FRAS1: variants seen among roughly 807,000 people sequenced by gnomAD.
FRAS1 encodes the protein extracellular matrix organizing protein FRAS1.
Under a neutral mutation model 435.2 loss-of-function variants are expected in FRAS1, and 290 were observed. The observed-to-expected ratio is 0.67, with a 90% CI of 0.61 to 0.73. The LOEUF (loss-of-function observed/expected upper bound fraction) is 0.73. Among genes scored for constraint, FRAS1 ranks in the 30% least tolerant of loss-of-function variants. The pLI is 0.00. For missense variants in FRAS1, 4,860 were observed against 5,001.5 expected, an observed-to-expected ratio of 0.97 and a Z score of 0.85; for synonymous variants, 1,800 against 1,851.0, an observed-to-expected ratio of 0.97 and a Z score of 0.71.
intron 2 of FRAS1, among the ~76,000 whole-genome samples, chr4:78,163,967 GCCCACTGCCCCA>G (rs983549300): frequency 3.3e-5 from 5 of 152,154 alleles, no homozygotes; most frequent in Non-Finnish European, 7.4e-5. Flanking sequence ...AACCTCCCAT[GCCCACTGCCCCA>G]CCCACTGGCC....
intron 47 of FRAS1, among the ~76,000 whole-genome samples, chr4:78,454,334 G>A (rs994160099): frequency 6.6e-6 from 1 of 152,146 alleles, no homozygotes; most frequent in African/African-American, 2.4e-5. Flanking sequence ...AGCTTTAAAT[G>A]GTGGAGGGTG....
At chr4:78,473,896 A>G (rs1719786203) in intron 53 of FRAS1, among the ~76,000 whole-genome samples, 1 of 152,250 alleles carries the variant, frequency 6.6e-6, no homozygotes, top group Non-Finnish European at 1.5e-5. Context: ...ACTTGTCCAC[A>G]GTCACATAGC....
intron 2 of FRAS1, among the ~76,000 whole-genome samples, chr4:78,187,386 G>A (rs1341171893): frequency 6.6e-6 from 1 of 151,996 alleles, no homozygotes; most frequent in Non-Finnish European, 1.5e-5. Context: ...GGTGTGGAGG[G>A]GTGATAGCTG....
chr4:78,237,104 G>A (rs1279695302), intron 2 of FRAS1, among the ~76,000 whole-genome samples: 2 of 151,984 alleles, frequency 1.3e-5, no homozygotes, highest in East Asian at 1.9e-4. Context: ...ATCTAGTGGC[G>A]AATACTGCTT....
At chr4:78,203,712 G>A (rs990615446) in intron 2 of FRAS1, among the ~76,000 whole-genome samples, 3 of 152,054 alleles carry the variant, frequency 2.0e-5, no homozygotes, top group African/African-American at 4.8e-5. Context: ...GATTACAGGC[G>A]GCTGCCACCA....
At chr4:78,461,990 G>C (rs543304147) in intron 47 of FRAS1, among the ~76,000 whole-genome samples, 8 of 152,332 alleles carry the variant, frequency 5.3e-5, no homozygotes, top group Non-Finnish European at 7.4e-5. Flanking sequence ...GGGTTATGAA[G>C]CGTAAGTTGG....
In FRAS1 at chr4:78,278,656, A is replaced by G. The variant is rs2110174852; in HGVS notation, c.983A>G (p.Asp328Gly). The G allele has an allele frequency of 6.4e-7, 1 of 1,559,544 alleles. No individual in the cohort carries two copies. Among genetic ancestry groups the G allele is most frequent in the Non-Finnish European group, 8.8e-7 (1 of 1,130,570 alleles). The change falls in exon 10 of 74, where the codon GAT becomes GGT. Residue 328 changes from aspartate (D) to glycine (G), a missense_variant and splice_region_variant. Coordinates refer to ENST00000512123, the MANE Select transcript of FRAS1 (RefSeq NM_025074.7). The part of the protein sequence containing the change: ...GECAKVECAR[D>G]EELIHLDGKC... ...CCACTGCAACCCTTATTTCTACAGG[A>G]TGAAGAATTAATTCACTTAGATGGA...
chr4:78,188,563 TA>T (rs1269921690), intron 2 of FRAS1, among the ~76,000 whole-genome samples: 1 of 152,136 alleles, frequency 6.6e-6, no homozygotes, highest in African/African-American at 2.4e-5. Context: ...AACAAGAATA[TA>T]AAGGAACATT....
intron 2 of FRAS1, among the ~76,000 whole-genome samples, chr4:78,229,993 T>C (rs912737123): frequency 6.6e-6 from 1 of 152,356 alleles, no homozygotes; most frequent in Middle Eastern, 3.4e-3. Context: ...CAAAGCATGA[T>C]GCTAACTTAC....
At chr4:78,521,685 A>T in intron 68 of FRAS1, 55 bp downstream of exon 68, 1 of 1,094,284 alleles carries the variant, frequency 9.1e-7, no homozygotes, top group South Asian at 1.3e-5. Context: ...CATTTCACAC[A>T]TACAGAAAGT....
intron 1 of FRAS1, among the ~76,000 whole-genome samples, chr4:78,064,752 A>G (rs1456547340): frequency 6.6e-6 from 1 of 152,084 alleles, no homozygotes; most frequent in Non-Finnish European, 1.5e-5. Flanking sequence ...AGGAGAAGGT[A>G]GACCAATTCT....
intron 2 of FRAS1, among the ~76,000 whole-genome samples, chr4:78,109,438 G>T (rs895902329): frequency 6.1e-4 from 92 of 151,860 alleles, no homozygotes; most frequent in African/African-American, 2.1e-3. Context: ...TGCAAGGCTG[G>T]TTCAACATAC....
At chr4:78,453,384 G>A (rs1560736812) in intron 47 of FRAS1, among the ~76,000 whole-genome samples, 1 of 152,286 alleles carries the variant, frequency 6.6e-6, no homozygotes, top group East Asian at 1.9e-4. Flanking sequence ...CCTGTACCTA[G>A]TAAGCATTCA....
chr4:78,210,799 G>T (rs1036781029), intron 2 of FRAS1, among the ~76,000 whole-genome samples: 1 of 152,230 alleles, frequency 6.6e-6, no homozygotes, highest in African/African-American at 2.4e-5. Flanking sequence ...AGGTGTTGGA[G>T]CTCCTGGCAG....
chr4:78,152,439 G>C (rs1720705247), intron 2 of FRAS1, among the ~76,000 whole-genome samples: 2 of 152,046 alleles, frequency 1.3e-5, no homozygotes, highest in South Asian at 4.1e-4. Flanking sequence ...CTCTCAAAGA[G>C]ACTAATGTAC....
chr4:78,270,950 A>T (rs1726644765), intron 9 of FRAS1, among the ~76,000 whole-genome samples: 1 of 152,170 alleles, frequency 6.6e-6, no homozygotes, highest in Non-Finnish European at 1.5e-5. Flanking sequence ...TCATTTATGT[A>T]TTTTTGTGTT....
intron 2 of FRAS1, among the ~76,000 whole-genome samples, chr4:78,235,960 A>C (rs1724736709): frequency 6.6e-6 from 1 of 152,258 alleles, no homozygotes; most frequent in East Asian, 1.9e-4. Context: ...AACAAAACAA[A>C]ACAACAGTGT....
At chr4:78,127,193 G>A (rs1236198236) in intron 2 of FRAS1, among the ~76,000 whole-genome samples, 3 of 152,042 alleles carry the variant, frequency 2.0e-5, no homozygotes, top group Non-Finnish European at 4.4e-5. Context: ...GAGAAAGAGA[G>A]GAATGAAGAA....
chr4:78,376,747 T>C (rs922435116), intron 26 of FRAS1, among the ~76,000 whole-genome samples: 1 of 152,098 alleles, frequency 6.6e-6, no homozygotes, highest in Non-Finnish European at 1.5e-5. Flanking sequence ...TCCCAGCACA[T>C]TGGGAGGCCG....
Sources: allele counts gnomAD v4.1 joint callset (sites outside exome capture counted in the v4.1 genomes callset), GRCh38; gene constraint gnomAD v4.1.1; transcripts MANE v1.5; gene names NCBI Gene and HGNC (gene_info 2026-07-23, HGNC 2026-07-21).